GSK3B: variants seen among roughly 807,000 people sequenced by gnomAD.
GSK3B encodes the protein glycogen synthase kinase-3 beta.
In GSK3B, 15 loss-of-function variants were observed where a neutral mutation model predicts 56.4. That is an observed-to-expected ratio of 0.27 (90% CI 0.18 to 0.41). The LOEUF (loss-of-function observed/expected upper bound fraction) is 0.41. Among genes scored for constraint, GSK3B ranks in the 10% least tolerant of loss-of-function variants. The pLI is 1.00. For synonymous variants in GSK3B, 181 were observed against 188.9 expected (o/e 0.96, Z 0.34); for missense variants, 300 against 513.4 (o/e 0.58, Z 4.02).
chr3:119,911,509 G>T (rs1249628188), intron 6 of GSK3B, among the ~76,000 whole-genome samples: 1 of 152,142 alleles, frequency 6.6e-6, no homozygotes, highest in African/African-American at 2.4e-5. Flanking sequence ...TTTGAAGCCA[G>T]GCAATGACAC....
rs990847983 is a variant in GSK3B, at chr3:119,930,188, T to C, written c.367-6705A>G. The stretch of plus-strand genomic sequence containing the variant: ...TTAAATTATATGTAAGATTAAAAGA[T>C]GAATGCCAAGTTCAACAGAGATTTC... On this transcript the variant is annotated intron_variant, in intron 3 of 10. Transcript: ENST00000264235. Among the ~76,000 whole-genome samples, 8 of 152,122 alleles carry C rather than the reference T, an allele frequency of 5.3e-5. No individual in the cohort carries two copies. In the South Asian group the frequency reaches 1.7e-3, roughly 31 times the overall value.
At chr3:120,016,046 TG>T (rs1471233422) in intron 1 of GSK3B, among the ~76,000 whole-genome samples, 2 of 152,228 alleles carry the variant, frequency 1.3e-5, no homozygotes, top group Non-Finnish European at 2.9e-5. Context: ...CAAATAATTC[TG>T]GTTTCTTTAG....
At chr3:119,976,765 CAAAAAAAAA>C (rs563133631) in intron 2 of GSK3B, among the ~76,000 whole-genome samples, 1 of 83,108 alleles carries the variant, frequency 1.2e-5, no homozygotes, top group East Asian at 3.6e-4. Context: ...CCACTCCCCA[CAAAAAAAAA>C]AAAAAAAAAA....
At chr3:119,873,644 T>A (rs567887737) in intron 8 of GSK3B, among the ~76,000 whole-genome samples, 12 of 152,262 alleles carry the variant, frequency 7.9e-5, no homozygotes, top group African/African-American at 2.9e-4. Context: ...CCTCTAGGAA[T>A]TTTAAGTTTT....
At chr3:120,053,668 T>C (rs1203901120) in intron 1 of GSK3B, among the ~76,000 whole-genome samples, 1 of 152,218 alleles carries the variant, frequency 6.6e-6, no homozygotes, top group Non-Finnish European at 1.5e-5. Flanking sequence ...TCATTTTGAA[T>C]TGTAGCTGCC....
At chr3:119,856,016 C>T (rs1247477921) in intron 9 of GSK3B, among the ~76,000 whole-genome samples, 1 of 152,176 alleles carries the variant, frequency 6.6e-6, no homozygotes. Context: ...AACCAGTCTA[C>T]ATTTTTCTAT....
At chr3:119,834,889 C>G (rs1158135345) in intron 10 of GSK3B, among the ~76,000 whole-genome samples, 1 of 152,122 alleles carries the variant, frequency 6.6e-6, no homozygotes, top group Admixed American at 6.5e-5. Flanking sequence ...GAAGTGATGT[C>G]TAGGACTGCT....
At chr3:119,844,948 A>T (rs1477643897) in intron 9 of GSK3B, among the ~76,000 whole-genome samples, 1 of 152,220 alleles carries the variant, frequency 6.6e-6, no homozygotes, top group Non-Finnish European at 1.5e-5. Flanking sequence ...CAGCACCTTA[A>T]AAAGCGTATC....
chr3:120,047,009 G>A (rs1000494240), intron 1 of GSK3B, among the ~76,000 whole-genome samples: 2 of 152,132 alleles, frequency 1.3e-5, no homozygotes, highest in Middle Eastern at 3.2e-3. Context: ...ACAGGAACAT[G>A]AATCAGAATA....
chr3:119,941,661 T>C (rs900143068), intron 3 of GSK3B, among the ~76,000 whole-genome samples: 3 of 152,206 alleles, frequency 2.0e-5, no homozygotes, highest in African/African-American at 4.8e-5. Context: ...GCAATATATA[T>C]TTGCTATTAA....
chr3:119,829,972 A>G (rs532889272), intron 10 of GSK3B, among the ~76,000 whole-genome samples: 7 of 152,230 alleles, frequency 4.6e-5, no homozygotes, highest in African/African-American at 9.6e-5. Flanking sequence ...GCCTGATGCA[A>G]TGAGCTCCAC....
At chr3:119,940,167 TA>T (rs1295587808) in intron 3 of GSK3B, among the ~76,000 whole-genome samples, 1 of 151,470 alleles carries the variant, frequency 6.6e-6, no homozygotes, top group Non-Finnish European at 1.5e-5. Flanking sequence ...AGTATATATA[TA>T]AAAATATATA....
chr3:119,853,294 G>A (rs1216498122), intron 9 of GSK3B, among the ~76,000 whole-genome samples: 1 of 152,080 alleles, frequency 6.6e-6, no homozygotes, highest in African/African-American at 2.4e-5. Context: ...CTCTGTTTTG[G>A]TACCAGTACC....
At chr3:120,011,466 A>G (rs1039372176) in intron 1 of GSK3B, among the ~76,000 whole-genome samples, 6 of 152,214 alleles carry the variant, frequency 3.9e-5, no homozygotes, top group Non-Finnish European at 7.3e-5. Flanking sequence ...CAATTCTGCT[A>G]AAGTATTAAA....
chr3:119,964,400 T>C (rs1403546224), intron 2 of GSK3B, among the ~76,000 whole-genome samples: 1 of 152,218 alleles, frequency 6.6e-6, no homozygotes, highest in Non-Finnish European at 1.5e-5. Context: ...ATGTGGTATA[T>C]ACATACAATA....
chr3:120,024,514 T>C (rs1372008519), intron 1 of GSK3B, among the ~76,000 whole-genome samples: 3 of 152,260 alleles, frequency 2.0e-5, no homozygotes, highest in Admixed American at 6.5e-5. Context: ...ATAGTTAACA[T>C]ACGTACACAT....
chr3:119,874,835 G>GT (rs1177098878), intron 8 of GSK3B, among the ~76,000 whole-genome samples: 1 of 152,022 alleles, frequency 6.6e-6, no homozygotes, highest in African/African-American at 2.4e-5. Context: ...TCTCTTTGTT[G>GT]TTTTTCTCTT....
chr3:120,052,694 G>A (rs1328896999), intron 1 of GSK3B, among the ~76,000 whole-genome samples: 2 of 152,130 alleles, frequency 1.3e-5, no homozygotes, highest in Non-Finnish European at 2.9e-5. Context: ...GACTCTAGTT[G>A]ACTCTATTCC....
chr3:120,025,317 G>A (rs555433943), intron 1 of GSK3B, among the ~76,000 whole-genome samples: 11 of 152,142 alleles, frequency 7.2e-5, no homozygotes, highest in South Asian at 2.1e-4. Flanking sequence ...CTTCTGGAGG[G>A]CTGTTTTTTA....
Sources: gnomAD v4.1 joint callset for allele counts (sites outside exome capture counted in the v4.1 genomes callset) on GRCh38, gnomAD v4.1.1 for gene constraint, MANE v1.5 for transcripts, NCBI Gene and HGNC (gene_info 2026-07-23, HGNC 2026-07-21) for gene names.